The following ZNF16 variants were observed in gnomAD, a reference collection of about 807,000 sequenced individuals.
ZNF16 encodes zinc finger protein 16.
ZNF16 carries 7 observed loss-of-function variants against 9.0 expected under a neutral mutation model. The ratio of observed to expected loss-of-function variants is 0.78; its 90% CI spans 0.44 to 1.47. The LOEUF is 1.47. Among genes scored for constraint, ZNF16 ranks in the 40% most tolerant of loss-of-function variants. The pLI, the probability that ZNF16 is intolerant of heterozygous loss-of-function variation, is 0.01. For synonymous variants in ZNF16, 312 were observed against 301.5 expected (o/e 1.03, Z -0.36); for missense variants, 830 against 854.2 (o/e 0.97, Z 0.35).
At position 144,933,321 on chromosome 8, in the gene ZNF16, C is replaced by G. The variant is rs1563919727; in HGVS notation, c.197-731G>C. On this transcript the variant is annotated intron_variant, in intron 2 of 2. Transcript: ENST00000394909. This position sits in a 1 kb window ranked among gnomAD's most constrained non-coding sequence, Gnocchi z 5.6. ...CCCTTTAGAGACTGCTGTGTCCTGT[C>G]AAAGCCACCTGTACCTCTGAAAACC... 6.6e-6 allele frequency among the ~76,000 whole-genome samples: 1 copy of G among 152,112 alleles called. No individual in the cohort carries two copies. The highest frequency in any genetic ancestry group is 1.5e-5 in the Non-Finnish European group (1 of 68,014).
chr8:144,930,521 C>T lies in ZNF16; in HGVS notation c.*217G>A. ...CCGTTCACAAGCTGTAAAAACAAGC[C>T]CAAACCCAAGACATCACAAGAGGCA... On this transcript the variant is annotated 3_prime_UTR_variant, in exon 3 of 3. Transcript: ENST00000394909. 1 of 500,644 alleles carries T rather than the reference C, an allele frequency of 2.0e-6. No individual in the cohort carries two copies. The allele number at this position is 500,644 out of a possible 1,614,324, so 31.0% of individuals were successfully genotyped here. A position where few individuals can be genotyped will look rare whatever the true frequency, so the allele number is the denominator to read the frequency against.
chr8:144,949,751 G>A (rs3866996), intron 1 of ZNF16, among the ~76,000 whole-genome samples: 2,145 of 152,256 alleles, frequency 0.014, 28 homozygotes, highest in African/African-American at 0.036. Flanking sequence ...AATGCTCTGC[G>A]ATAAGCCACA....
Position 144,946,612 on chromosome 8 carries a change from TTG to T in ZNF16, c.-9-399_-9-398del, listed in dbSNP as rs1402811590. On this transcript the variant is annotated intron_variant, in intron 1 of 2. Coordinates refer to ENST00000394909, the MANE Select transcript of ZNF16 (RefSeq NM_006958.3). ...GTGGGTCTGTATCCTGCTGTTGGGCTTGTGTCCTGCTGTTGGGCCTGTGTCCT... is the reference window on the plus strand; with the variant it reads ...GTGGGTCTGTATCCTGCTGTTGGGCTTGTCCTGCTGTTGGGCCTGTGTCCT... Among the ~76,000 whole-genome samples the T allele has an allele frequency of 3.4e-4, 29 of 86,162 alleles. 3 individuals are homozygous for T. Among genetic ancestry groups the T allele is most frequent in the Admixed American group, 1.8e-3 (16 of 8,986 alleles). 56.5% of individuals were successfully genotyped at this position (86,162 alleles called of 152,430 possible). A position where few individuals can be genotyped will look rare whatever the true frequency, so the allele number is the denominator to read the frequency against.
chr8:144,946,777 G>A (rs1833955727), intron 1 of ZNF16, among the ~76,000 whole-genome samples: 1 of 113,816 alleles, frequency 8.8e-6, no homozygotes, highest in African/African-American at 3.9e-5. Flanking sequence ...CTGTGGGCCT[G>A]TGTCCTGCTG....
chr8:144,931,103 G>C lies in ZNF16; in HGVS notation c.1684C>G (p.Gln562Glu). The change falls in exon 3 of 3, where the codon CAG (glutamine) becomes GAG (glutamate). Residue 562 changes from glutamine (Q) to glutamate (E), a missense_variant. Physicochemically the swap from Gln to Glu is conservative, Grantham distance 29 (BLOSUM62 2). Transcript: ENST00000394909. Reference sequence around the variant, plus strand: ...AGCCCATTATGAATCCTCTGATGCTGAATGAGGGTTGAGCTCTGGCTGAAG... The same window carrying C: ...AGCCCATTATGAATCCTCTGATGCTCAATGAGGGTTGAGCTCTGGCTGAAG... ...KTFSQSSTLI[Q>E]HQRIHNGLKP... The C allele has an allele frequency of 6.2e-7, 1 of 1,614,220 alleles. No homozygotes were observed. The highest frequency in any genetic ancestry group is 8.5e-7 in the Non-Finnish European group (1 of 1,180,034).
chr8:144,931,030 G>C lies in ZNF16; in HGVS notation c.1757C>G (p.Ser586Ter). 1 of 1,614,228 alleles carries C rather than the reference G, an allele frequency of 6.2e-7. No individual in the cohort carries two copies. Among genetic ancestry groups the C allele is most frequent in the Non-Finnish European group, 8.5e-7 (1 of 1,180,040 alleles). ...AACTTTCTGGTGGTGAATGAGATTT[G>C]AGCTTCGGTTGAAGGCTTTACCACA... is the stretch of plus-strand genomic sequence containing the variant. ...NQCGKAFNRS[S>*]NLIHHQKVHT... Residue 586 changes from serine (S) to a stop codon, truncating the protein, a stop_gained, in exon 3 of 3, where the codon TCA becomes TGA. Coordinates refer to ENST00000394909, the MANE Select transcript of ZNF16 (RefSeq NM_006958.3). LOFTEE classifies it high-confidence loss of function.
chr8:144,931,346 T>C lies in ZNF16; in HGVS notation c.1441A>G (p.Ile481Val). The C allele has an allele frequency of 6.2e-7, 1 of 1,614,218 alleles. No individual in the cohort carries two copies. Among genetic ancestry groups the C allele is most frequent in the African/African-American group, 1.3e-5 (1 of 75,052 alleles). Reference sequence around the variant, plus strand: ...TACGGCTTCTCTCCCGTGTGGATGATCTGGTGCTTTCGGAGCACTGAGCTA... The same window carrying C: ...TACGGCTTCTCTCCCGTGTGGATGACCTGGTGCTTTCGGAGCACTGAGCTA... Reference protein sequence around the residue: ...SYSSVLRKHQIIHTGEKPYRC... With the variant: ...SYSSVLRKHQVIHTGEKPYRC... Residue 481 changes from isoleucine (I) to valine (V), a missense_variant, in exon 3 of 3, where the codon ATC becomes GTC. Ile to Val is a conservative substitution (Grantham distance 29). Coordinates refer to ENST00000394909, the MANE Select transcript of ZNF16 (RefSeq NM_006958.3).
At position 144,932,124 on chromosome 8, in the gene ZNF16, A is replaced by G. The variant is rs778733853; in HGVS notation, c.663T>C (p.Asn221=). Residue 221 remains asparagine (N), a synonymous_variant, in exon 3 of 3, where the codon AAT becomes AAC. Transcript: ENST00000394909. The surrounding 1 kb of genome is among the most constrained non-coding windows in gnomAD (Gnocchi z 5.0). ...CTATTTGACGCTGAATAAGGTCAGG[A>G]TTTCCTTGGAAGGTTTTCCCACACT... ...CNECGKTFQG[N]PDLIQRQIVH... 11 of 1,614,122 alleles carry G rather than the reference A, an allele frequency of 6.8e-6. No individual in the cohort carries two copies. The East Asian group carries it at 2.0e-4, about 29-fold the overall frequency.
intron 1 of ZNF16, among the ~76,000 whole-genome samples, chr8:144,946,552 GGGGCCTGTACCCTGCTGT>G (rs1563925525): frequency 1.3e-4 from 11 of 82,054 alleles, no homozygotes; most frequent in South Asian, 4.1e-4. Flanking sequence ...GTACTGCTGT[GGGGCCTGTACCCTGCTGT>G]GGGCCTGTGT....
chr8:144,943,193 T>C (rs1833845216), intron 2 of ZNF16, among the ~76,000 whole-genome samples: 1 of 152,338 alleles, frequency 6.6e-6, no homozygotes, highest in African/African-American at 2.4e-5. Context: ...CTGACCTCCA[T>C]GGGTTCTGAT....
chr8:144,930,388 TCAAAC>T lies in ZNF16; in HGVS notation c.*345_*349del, dbSNP rs2129988852. 4.7e-6 allele frequency: 1 copy of T among 213,518 alleles called. No homozygotes were observed. The highest frequency in any genetic ancestry group is 1.4e-4 in the South Asian group (1 of 7,004). The allele number at this position is 213,518 out of a possible 1,614,324, so 13.2% of individuals were successfully genotyped here. On this transcript the variant is annotated 3_prime_UTR_variant, in exon 3 of 3. Transcript: ENST00000394909. ...AATCAAACAAACTACTATGGTTATC[TCAAAC>T]CAAACGTCACTTTACTTTTTTGGTA...
chr8:144,941,276 A>AT (rs1280437367), intron 2 of ZNF16, among the ~76,000 whole-genome samples: 1 of 151,820 alleles, frequency 6.6e-6, no homozygotes, highest in Non-Finnish European at 1.5e-5. Context: ...TATAATTGCC[A>AT]TATCTTCTTG....
At chr8:144,938,560 G>C (rs894206505) in intron 2 of ZNF16, among the ~76,000 whole-genome samples, 1 of 152,094 alleles carries the variant, frequency 6.6e-6, no homozygotes, top group African/African-American at 2.4e-5. Flanking sequence ...TTTTCACACT[G>C]TTCATGGCTG....
chr8:144,935,515 C>CT (rs1833662118), intron 2 of ZNF16, among the ~76,000 whole-genome samples: 2 of 152,098 alleles, frequency 1.3e-5, no homozygotes, highest in African/African-American at 4.8e-5. Context: ...CAAAGAACAT[C>CT]TTTTTAAAAA....
At chr8:144,939,510 T>C (rs1224934945) in intron 2 of ZNF16, among the ~76,000 whole-genome samples, 1 of 147,410 alleles carries the variant, frequency 6.8e-6, no homozygotes, top group Admixed American at 7.1e-5. Flanking sequence ...ACAGGAGAAT[T>C]GCTTGAACCC....
chr8:144,936,181 T>G (rs1001780679), intron 2 of ZNF16, among the ~76,000 whole-genome samples: 2 of 152,256 alleles, frequency 1.3e-5, no homozygotes, highest in African/African-American at 2.4e-5. Context: ...ATATAGTATG[T>G]GACCTTTTGT....
At chr8:144,948,994 C>T (rs915226516) in intron 1 of ZNF16, among the ~76,000 whole-genome samples, 6 of 152,260 alleles carry the variant, frequency 3.9e-5, no homozygotes, top group Admixed American at 6.5e-5. Context: ...GGAAGGACCT[C>T]GGAGAGCTAA....
intron 2 of ZNF16, among the ~76,000 whole-genome samples, chr8:144,941,821 G>A (rs1280428652): frequency 1.3e-5 from 2 of 151,294 alleles, no homozygotes; most frequent in South Asian, 2.1e-4. Context: ...ATCGTGCCCG[G>A]CTAATTTTTT....
intron 2 of ZNF16, among the ~76,000 whole-genome samples, chr8:144,934,969 G>C (rs1415507468): frequency 1.3e-5 from 2 of 152,172 alleles, no homozygotes; most frequent in African/African-American, 4.8e-5. Context: ...TGTGGATGAA[G>C]AGATGGCGAC....
Sources: allele counts gnomAD v4.1 joint callset (sites outside exome capture counted in the v4.1 genomes callset), GRCh38; gene constraint gnomAD v4.1.1; non-coding constraint Gnocchi (gnomAD v3.1); transcripts MANE v1.5; gene names NCBI Gene and HGNC (gene_info 2026-07-23, HGNC 2026-07-21).